SAXO1: variants seen among roughly 807,000 people sequenced by gnomAD.
SAXO1 encodes stabilizer of axonemal microtubules 1.
Under a neutral mutation model 17.5 loss-of-function variants are expected in SAXO1, and 21 were observed. The ratio of observed to expected loss-of-function variants is 1.20; its 90% CI spans 0.85 to 1.72. The LOEUF (loss-of-function observed/expected upper bound fraction) is 1.72, where lower values mean the gene tolerates loss of function less well. SAXO1 is among the 40% of genes most tolerant of loss of function. The pLI, the probability that SAXO1 is intolerant of heterozygous loss-of-function variation, is 0.00. For missense variants in SAXO1, 843 were observed against 596.0 expected (o/e 1.41, Z -4.32); for synonymous variants, 274 against 216.5 (o/e 1.27, Z -2.33).
At chr9:19,007,591 G>C (rs990585203) in intron 1 of SAXO1, among the ~76,000 whole-genome samples, 1 of 152,092 alleles carries the variant, frequency 6.6e-6, no homozygotes, top group South Asian at 2.1e-4. Context: ...CTTCTGTTTA[G>C]AACAGCAAAA....
chr9:18,998,958 C>T (rs2130949534), intron 1 of SAXO1, among the ~76,000 whole-genome samples: 2 of 152,310 alleles, frequency 1.3e-5, no homozygotes, highest in South Asian at 4.1e-4. Context: ...GAAGGAAGCA[C>T]TAAATACAGA....
intron 1 of SAXO1, among the ~76,000 whole-genome samples, chr9:19,011,864 T>TTTTTG (rs1437816833): frequency 3.3e-5 from 5 of 150,924 alleles, no homozygotes; most frequent in African/African-American, 1.2e-4. Flanking sequence ...TTTTTTTTTT[T>TTTTTG]GAGATGGAGT....
chr9:18,972,804 T>C (rs1833000806), intron 1 of SAXO1, among the ~76,000 whole-genome samples: 1 of 152,180 alleles, frequency 6.6e-6, no homozygotes. Flanking sequence ...CTACATCTTG[T>C]TCTCTTCTTG....
chr9:18,975,389 G>A (rs1358938596), intron 1 of SAXO1, among the ~76,000 whole-genome samples: 1 of 152,222 alleles, frequency 6.6e-6, no homozygotes, highest in African/African-American at 2.4e-5. Flanking sequence ...CTACCGCTCT[G>A]CACATATGTC....
intron 1 of SAXO1, among the ~76,000 whole-genome samples, chr9:19,018,807 G>A (rs145971833): frequency 2.5e-4 from 38 of 152,314 alleles, no homozygotes; most frequent in Non-Finnish European, 5.3e-4. Flanking sequence ...GTTAAATATA[G>A]CTGCCTTAAG....
intron 1 of SAXO1, among the ~76,000 whole-genome samples, chr9:19,018,324 G>A (rs780854342): frequency 2.4e-4 from 36 of 152,182 alleles, no homozygotes; most frequent in Admixed American, 1.4e-3. Context: ...TAGAGCAGTG[G>A]AAGAGAAACA....
Position 18,943,791 on chromosome 9 carries a change from G to A in SAXO1, c.219-1952C>T, listed in dbSNP as rs377153186. 3.7e-3 allele frequency among the ~76,000 whole-genome samples: 564 copies of A among 152,314 alleles called. 4 individuals carry two copies. The South Asian group carries it at 0.039, about 11-fold the overall frequency. ...CATGCAGTGAGGAACAAAGCTGGGC[G>A]CCTGAGCTGCCGTGCTGAGCCCACC... On this transcript the variant is annotated intron_variant, in intron 2 of 3. Transcript: ENST00000380534.
chr9:18,968,117 C>A (rs1832801126), intron 1 of SAXO1, among the ~76,000 whole-genome samples: 1 of 152,216 alleles, frequency 6.6e-6, no homozygotes, highest in Non-Finnish European at 1.5e-5. Flanking sequence ...GTGAGTACCT[C>A]AGTTGGAAAT....
At position 18,928,661 on chromosome 9, in the gene SAXO1, A is replaced by G. The variant is rs373143412; in HGVS notation, c.816T>C (p.Thr272=). ...AAGCTTGGTACTTATCTCGAAACTC[A>G]GTGGTGTTACAGAAAGGCATGTCTA... ...PGLDMPFCNT[T]EFRDKYQAWP... is the part of the protein sequence containing the mutation. Residue 272 remains threonine (T), a synonymous_variant, in exon 4 of 4, where the codon ACT becomes ACC. Coordinates refer to ENST00000380534, the MANE Select transcript of SAXO1 (RefSeq NM_153707.4). 1.2e-5 allele frequency: 19 copies of G among 1,613,908 alleles called. No homozygotes were observed. The highest frequency in any genetic ancestry group is 1.6e-5 in the Non-Finnish European group (19 of 1,180,010).
chr9:18,941,699 A>T lies in SAXO1; in HGVS notation c.359T>A (p.Ile120Asn). ...TGGATATTTACTGTCCCGAGGTTTG[A>T]TGGGGTCCACTCGACAGACAGGGTA... ...NPYPVCRVDPIKPRDSKYPCS... is the reference protein window; with the variant it reads ...NPYPVCRVDPNKPRDSKYPCS... Residue 120 changes from isoleucine to asparagine, a missense_variant, in exon 3 of 4, where the codon ATC (isoleucine) becomes AAC (asparagine). Ile to Asn is a moderately radical substitution (Grantham distance 149, BLOSUM62 -3). Coordinates refer to ENST00000380534, the MANE Select transcript of SAXO1 (RefSeq NM_153707.4). The T allele has an allele frequency of 6.2e-7, 1 of 1,614,124 alleles. No homozygotes were observed. Among genetic ancestry groups the T allele is most frequent in the Non-Finnish European group, 8.5e-7 (1 of 1,180,030 alleles).
intron 1 of SAXO1, among the ~76,000 whole-genome samples, chr9:19,026,073 G>A (rs540589085): frequency 2.0e-5 from 3 of 151,500 alleles, no homozygotes; most frequent in East Asian, 3.9e-4. Flanking sequence ...GTTATAATTT[G>A]CCATATATTT....
chr9:18,954,758 AT>A (rs1394806908), intron 1 of SAXO1, among the ~76,000 whole-genome samples: 2 of 152,312 alleles, frequency 1.3e-5, no homozygotes, highest in African/African-American at 4.8e-5. Flanking sequence ...AGTCATAGAC[AT>A]AGGATAGGCG....
intron 1 of SAXO1, among the ~76,000 whole-genome samples, chr9:18,974,181 A>T (rs1833049591): frequency 6.6e-6 from 1 of 152,250 alleles, no homozygotes; most frequent in South Asian, 2.1e-4. Flanking sequence ...AATACATTCA[A>T]AATAGAAGGA....
chr9:18,948,944 C>T (rs1007931947), intron 2 of SAXO1, among the ~76,000 whole-genome samples: 1 of 152,210 alleles, frequency 6.6e-6, no homozygotes, highest in African/African-American at 2.4e-5. Context: ...CAGTACTACT[C>T]TCACCCTTTC....
intron 3 of SAXO1, among the ~76,000 whole-genome samples, chr9:18,939,134 G>A (rs923469765): frequency 1.2e-4 from 19 of 152,054 alleles, no homozygotes; most frequent in Admixed American, 9.8e-4. Context: ...CATCGGATAT[G>A]CCATATCACA....
chr9:19,009,059 A>G (rs2130982513), intron 1 of SAXO1, among the ~76,000 whole-genome samples: 1 of 152,282 alleles, frequency 6.6e-6, no homozygotes, highest in South Asian at 2.1e-4. Flanking sequence ...CAAATAAACA[A>G]ATATAATTTA....
At chr9:19,048,542 G>A (rs763371019) in intron 1 of SAXO1, among the ~76,000 whole-genome samples, 1 of 152,184 alleles carries the variant, frequency 6.6e-6, no homozygotes, top group Non-Finnish European at 1.5e-5. Flanking sequence ...CGATACTGGC[G>A]ACACTGATTC....
intron 1 of SAXO1, among the ~76,000 whole-genome samples, chr9:18,953,934 A>G (rs1036543134): frequency 5.3e-5 from 8 of 152,318 alleles, no homozygotes; most frequent in East Asian, 1.9e-4. Context: ...GTATCTAAAG[A>G]AAGTTTGTAG....
intron 1 of SAXO1, among the ~76,000 whole-genome samples, chr9:18,988,469 A>T (rs1477135101): frequency 1.3e-5 from 2 of 152,218 alleles, no homozygotes; most frequent in Non-Finnish European, 1.5e-5. Flanking sequence ...GAATGTCTTT[A>T]TGTGTATGTA....
Sources: allele counts gnomAD v4.1 joint callset (sites outside exome capture counted in the v4.1 genomes callset), GRCh38; gene constraint gnomAD v4.1.1; transcripts MANE v1.5; gene names NCBI Gene and HGNC (gene_info 2026-07-23, HGNC 2026-07-21).